PTPRG: variants seen among roughly 807,000 people sequenced by gnomAD.
PTPRG encodes protein tyrosine phosphatase receptor type G, also known as receptor-type tyrosine-protein phosphatase gamma.
Under a neutral mutation model 165.3 loss-of-function variants are expected in PTPRG, and 102 were observed. The ratio of observed to expected loss-of-function variants is 0.62; its 90% CI spans 0.53 to 0.73. PTPRG has a LOEUF of 0.73. Ranked by LOEUF, PTPRG falls within the 30% of genes least tolerant of loss-of-function variation. The probability of loss-of-function intolerance (pLI) is 0.00; values close to 1 mark genes in which losing one functional copy is unlikely to be tolerated. For synonymous variants in PTPRG, 675 were observed against 669.5 expected (o/e 1.01, Z -0.13); for missense variants, 1,866 against 1,861.4 (o/e 1.00, Z -0.05).
At chr3:62,171,264 T>C (rs1705204894) in intron 8 of PTPRG, among the ~76,000 whole-genome samples, 1 of 152,206 alleles carries the variant, frequency 6.6e-6, no homozygotes, top group African/African-American at 2.4e-5. Context: ...CTATTGGGCA[T>C]ACACCCAGGA....
chr3:61,955,803 A>G (rs1293744881), intron 2 of PTPRG, among the ~76,000 whole-genome samples: 2 of 152,188 alleles, frequency 1.3e-5, no homozygotes, highest in South Asian at 2.1e-4. Flanking sequence ...GTGTATACTG[A>G]TATACTTGAG....
In PTPRG at chr3:61,732,299, C is replaced by T. The variant is rs1037797470; in HGVS notation, c.86-16579C>T. On this transcript the variant is annotated intron_variant, in intron 1 of 29. Coordinates refer to ENST00000474889, the MANE Select transcript of PTPRG (RefSeq NM_002841.4). ...CATTTGAAATCCTGTATTAGCAGGC[C>T]GGGCGCAGTGGCTCATGCCTGTAAT... Among the ~76,000 whole-genome samples, 4 of 151,932 alleles carry T rather than the reference C, an allele frequency of 2.6e-5. No homozygotes were observed. In the East Asian group the frequency reaches 5.8e-4, roughly 22 times the overall value.
chr3:61,568,412 T>A (rs1244495220), intron 1 of PTPRG, among the ~76,000 whole-genome samples: 1 of 151,814 alleles, frequency 6.6e-6, no homozygotes, highest in Non-Finnish European at 1.5e-5. Context: ...TGTGCAAGAT[T>A]GCTTTAAGTA....
intron 4 of PTPRG, among the ~76,000 whole-genome samples, chr3:62,074,195 G>GTGTA (rs1269847648): frequency 1.3e-5 from 2 of 151,350 alleles, no homozygotes; most frequent in East Asian, 3.9e-4. Context: ...GTGTGTGTGT[G>GTGTA]TGTGTGTGTG....
chr3:61,801,458 A>AC (rs1553671364), intron 2 of PTPRG, among the ~76,000 whole-genome samples: 1 of 151,412 alleles, frequency 6.6e-6, no homozygotes, highest in East Asian at 1.9e-4. Flanking sequence ...CATAAATATA[A>AC]TTTTTTTTAC....
At chr3:62,052,214 G>A (rs1700490422) in intron 4 of PTPRG, among the ~76,000 whole-genome samples, 1 of 152,148 alleles carries the variant, frequency 6.6e-6, no homozygotes, top group South Asian at 2.1e-4. Context: ...ACTTTAAAAT[G>A]ATGTTTCTTT....
Position 61,742,842 on chromosome 3 carries a change from C to T in PTPRG, c.86-6036C>T, listed in dbSNP as rs113522882. 1.0e-4 allele frequency: 161 copies of T among 1,585,208 alleles called. No individual in the cohort carries two copies. In the East Asian group the frequency reaches 2.3e-3, roughly 23 times the overall value. ...TTTTATTCTTTTTGAGTTTTTTCAG[C>T]GCCTCGATGTCCATGTGGGGGATAT... On this transcript the variant is annotated intron_variant, in intron 1 of 29. Coordinates refer to ENST00000474889, the MANE Select transcript of PTPRG (RefSeq NM_002841.4).
intron 1 of PTPRG, among the ~76,000 whole-genome samples, chr3:61,723,419 A>G (rs1388480919): frequency 1.3e-5 from 2 of 152,072 alleles, no homozygotes; most frequent in Non-Finnish European, 2.9e-5. Context: ...ATACATGTGC[A>G]CATTTTTGGT....
intron 1 of PTPRG, among the ~76,000 whole-genome samples, chr3:61,712,544 T>C (rs554911617): frequency 9.2e-5 from 14 of 152,284 alleles, no homozygotes; most frequent in African/African-American, 2.6e-4. Flanking sequence ...GAGGGAGTTC[T>C]CATGAGATCT....
At chr3:61,988,418 C>T (rs2040810972) in intron 2 of PTPRG, among the ~76,000 whole-genome samples, 1 of 152,092 alleles carries the variant, frequency 6.6e-6, no homozygotes, top group Non-Finnish European at 1.5e-5. Flanking sequence ...GGGTGGCAGC[C>T]ACTCATGTGG....
rs377147403 is a variant in PTPRG, at chr3:61,569,077, A to G, written c.85+6705A>G. 2.4e-4 allele frequency among the ~76,000 whole-genome samples: 36 copies of G among 152,280 alleles called. No individual in the cohort carries two copies. The East Asian group carries it at 6.6e-3, about 28-fold the overall frequency. On this transcript the variant is annotated intron_variant, in intron 1 of 29. Transcript: ENST00000474889. Reference sequence around the variant, plus strand: ...GTGTGGGGATGGAGGTAACTTACACATTGAATGAAAACTTCATGTGTCAGC... The same window carrying G: ...GTGTGGGGATGGAGGTAACTTACACGTTGAATGAAAACTTCATGTGTCAGC...
At chr3:61,769,290 A>G (rs1383445369) in intron 2 of PTPRG, 4 of 152,054 alleles carry the variant, frequency 2.6e-5, no homozygotes, top group African/African-American at 7.3e-5. Flanking sequence ...TTGTTTCCAT[A>G]TAGGGTTTTA....
rs1702140659 is a variant in PTPRG, at chr3:62,273,503, C to CT, written c.3319-193dup. ...GCACAGTATAGAATACAGAGCTAAA[C>CT]TTAACACAGTCTCTACCGTAAAATA... On this transcript the variant is annotated intron_variant, in intron 22 of 29. Coordinates refer to ENST00000474889, the MANE Select transcript of PTPRG (RefSeq NM_002841.4). This position sits in a 1 kb window ranked among gnomAD's most constrained non-coding sequence, Gnocchi z 4.1. Among the ~76,000 whole-genome samples, 1 of 152,252 alleles carries CT rather than the reference C, an allele frequency of 6.6e-6. No individual in the cohort carries two copies. The highest frequency in any genetic ancestry group is 2.1e-4 in the South Asian group (1 of 4,816).
chr3:62,101,423 AAC>A (rs1702286511), intron 5 of PTPRG, among the ~76,000 whole-genome samples: 1 of 152,250 alleles, frequency 6.6e-6, no homozygotes, highest in South Asian at 2.1e-4. Flanking sequence ...GCCAAAGAAT[AAC>A]TGATTGTTCA....
chr3:62,246,107 T>C (rs1321292491), intron 15 of PTPRG, among the ~76,000 whole-genome samples: 1 of 152,160 alleles, frequency 6.6e-6, no homozygotes, highest in Non-Finnish European at 1.5e-5. Flanking sequence ...TCACTACTAG[T>C]AATATAACTA....
At chr3:61,649,768 C>T (rs752621235) in intron 1 of PTPRG, among the ~76,000 whole-genome samples, 21 of 152,168 alleles carry the variant, frequency 1.4e-4, no homozygotes, top group Non-Finnish European at 2.9e-4. Flanking sequence ...AATAGGTTGT[C>T]GTATAGATGC....
At position 62,188,112 on chromosome 3, in the gene PTPRG, G is replaced by T. The variant is rs1028891785; in HGVS notation, c.1034-3357G>T. Among the ~76,000 whole-genome samples the T allele has an allele frequency of 4.6e-5, 7 of 152,142 alleles. No individual in the cohort carries two copies. In the East Asian group the frequency reaches 9.6e-4, roughly 21 times the overall value. Reference sequence around the variant, plus strand: ...TCTAGGGCCAGTCATGGTGGCTCACGTCTGTAATTCCAGTACTTTGGGAGG... The same window carrying T: ...TCTAGGGCCAGTCATGGTGGCTCACTTCTGTAATTCCAGTACTTTGGGAGG... On this transcript the variant is annotated intron_variant, in intron 8 of 29. Coordinates refer to ENST00000474889, the MANE Select transcript of PTPRG (RefSeq NM_002841.4).
chr3:62,140,224 C>A (rs142814052), intron 6 of PTPRG, among the ~76,000 whole-genome samples: 1 of 152,328 alleles, frequency 6.6e-6, no homozygotes, highest in Non-Finnish European at 1.5e-5. Flanking sequence ...GTGCCTATTT[C>A]TGCTGACGTT....
intron 4 of PTPRG, among the ~76,000 whole-genome samples, chr3:62,069,684 T>TCTCTCTCTCTCACACA (rs542306888): frequency 1.1e-3 from 158 of 144,966 alleles, no homozygotes; most frequent in East Asian, 4.4e-3. Context: ...TCTCTCTCTC[T>TCTCTCTCTCTCACACA]CACACACAGA....
Sources: gnomAD v4.1 joint callset for allele counts (sites outside exome capture counted in the v4.1 genomes callset) on GRCh38, gnomAD v4.1.1 for gene constraint, Gnocchi (gnomAD v3.1) non-coding constraint, MANE v1.5 for transcripts, NCBI Gene and HGNC (gene_info 2026-07-23, HGNC 2026-07-21) for gene names.